ABHD2: variants seen among roughly 807,000 people sequenced by gnomAD.
ABHD2 encodes abhydrolase domain containing 2, acylglycerol lipase.
In ABHD2, 20 loss-of-function variants were observed where a neutral mutation model predicts 48.1. That is an observed-to-expected ratio of 0.42 (90% CI 0.29 to 0.60). ABHD2 has a LOEUF of 0.60. Ranked by LOEUF, ABHD2 falls within the 20% of genes least tolerant of loss-of-function variation. The pLI is 0.24. For missense variants in ABHD2, 405 were observed against 550.9 expected, an observed-to-expected ratio of 0.74 and a Z score of 2.65; for synonymous variants, 209 against 214.2, an observed-to-expected ratio of 0.98 and a Z score of 0.21.
At chr15:89,042,196 C>G in the ABHD2 span, among the ~76,000 whole-genome samples, 6 of 152,324 alleles carry the variant, frequency 3.9e-5, no homozygotes, top group African/African-American at 1.4e-4. Context: ...TGCTGAAGAA[C>G]ATGCAGCAGC....
At position 89,177,639 on chromosome 15, in the gene ABHD2, G is replaced by C. The variant is rs1596148926; in HGVS notation, c.722+1644G>C. On this transcript the variant is annotated intron_variant, in intron 6 of 10. Coordinates refer to ENST00000352732, the MANE Select transcript of ABHD2 (RefSeq NM_152924.5). The surrounding 1 kb of genome is among the most constrained non-coding windows in gnomAD (Gnocchi z 5.6). Reference sequence around the variant, plus strand: ...AGGCTAGTCCCCCATCTTCCTACCAGGAATCTTTTCCTTCACTCCTCTGGA... The same window carrying C: ...AGGCTAGTCCCCCATCTTCCTACCACGAATCTTTTCCTTCACTCCTCTGGA... Among the ~76,000 whole-genome samples the C allele has an allele frequency of 6.6e-6, 1 of 152,186 alleles. No individual in the cohort carries two copies. The highest frequency in any genetic ancestry group is 1.9e-4 in the East Asian group (1 of 5,172).
chr15:89,127,934 G>T (rs1265242300), intron 3 of ABHD2, among the ~76,000 whole-genome samples: 3 of 151,760 alleles, frequency 2.0e-5, no homozygotes, highest in Admixed American at 6.6e-5. Context: ...ACTTTTACCT[G>T]TCTCTGTCTC....
Position 89,135,563 on chromosome 15 carries a change from C to T in ABHD2, c.195-16114C>T, listed in dbSNP as rs2050294867. On this transcript the variant is annotated intron_variant, in intron 3 of 10. Transcript: ENST00000352732. ...CCAACTTATTCATCATCATCTTCAT[C>T]TTCCTCCTCCTCATTCTTATCCTCT... 9 of 1,461,268 alleles carry T rather than the reference C, an allele frequency of 6.2e-6. No homozygotes were observed. In the East Asian group the frequency reaches 1.6e-4, roughly 27 times the overall value. The allele number at this position is 1,461,268 out of a possible 1,614,324, so 90.5% of individuals were successfully genotyped here.
At chr15:89,160,789 AC>A (rs1264437848) in intron 5 of ABHD2, among the ~76,000 whole-genome samples, 1 of 152,148 alleles carries the variant, frequency 6.6e-6, no homozygotes, top group Non-Finnish European at 1.5e-5. Context: ...CTCAGAAATG[AC>A]AGAGGTCACT....
rs1308432341 is a variant in ABHD2, at chr15:89,166,296, G to A, written c.539-9516G>A. Among the ~76,000 whole-genome samples the A allele has an allele frequency of 6.6e-6, 1 of 152,062 alleles. No individual in the cohort carries two copies. Among genetic ancestry groups the A allele is most frequent in the Non-Finnish European group, 1.5e-5 (1 of 68,024 alleles). ...GGCATTTGGCATTGAAAATGGCCTC[G>A]AATATTTAAATTGCTTTTTTCCTGT... is the stretch of plus-strand genomic sequence containing the variant. On this transcript the variant is annotated intron_variant, in intron 5 of 10. Coordinates refer to ENST00000352732, the MANE Select transcript of ABHD2 (RefSeq NM_152924.5). This position sits in a 1 kb window ranked among gnomAD's most constrained non-coding sequence, Gnocchi z 4.6.
chr15:89,147,218 A>C (rs2050506960), intron 3 of ABHD2, among the ~76,000 whole-genome samples: 1 of 152,214 alleles, frequency 6.6e-6, no homozygotes, highest in African/African-American at 2.4e-5. Flanking sequence ...TGTCAGAAAA[A>C]AATGAATTAT....
At chr15:89,085,134 G>A (rs916942312), upstream of ABHD2, among the ~76,000 whole-genome samples, 14 of 152,266 alleles carry the variant, frequency 9.2e-5, no homozygotes, top group East Asian at 2.7e-3. The surrounding 1 kb of genome is among the most constrained non-coding windows in gnomAD (Gnocchi z 4.2). Flanking sequence ...AAATCCTGCA[G>A]AGGCCCCAGT....
At chr15:89,180,668 C>A (rs535373723) in intron 6 of ABHD2, among the ~76,000 whole-genome samples, 1 of 152,152 alleles carries the variant, frequency 6.6e-6, no homozygotes, top group Admixed American at 6.5e-5. Flanking sequence ...CCCAGAGGCC[C>A]GGCTGTGCAA....
the ABHD2 span, among the ~76,000 whole-genome samples, chr15:89,075,088 T>A: frequency 3.3e-5 from 5 of 152,144 alleles, no homozygotes; most frequent in African/African-American, 1.2e-4. The surrounding 1 kb of genome is among the most constrained non-coding windows in gnomAD (Gnocchi z 4.1). Flanking sequence ...TCAATTCAAT[T>A]GAACAAGCGT....
At chr15:89,170,572 T>G (rs1200087683) in intron 5 of ABHD2, among the ~76,000 whole-genome samples, 1 of 152,202 alleles carries the variant, frequency 6.6e-6, no homozygotes, top group Non-Finnish European at 1.5e-5. Flanking sequence ...GCAGAATTAC[T>G]AGACCAAAGG....
In ABHD2 at chr15:89,175,465, C is replaced by A. The variant is rs978963784; in HGVS notation, c.539-347C>A. Among the ~76,000 whole-genome samples, 1 of 152,196 alleles carries A rather than the reference C, an allele frequency of 6.6e-6. No individual in the cohort carries two copies. Among genetic ancestry groups the A allele is most frequent in the South Asian group, 2.1e-4 (1 of 4,834 alleles). ...GTGTGTGAGCATATGTGCTCATGCA[C>A]ACCCTGAAATCTGCTTTGATATCCA... On this transcript the variant is annotated intron_variant, in intron 5 of 10. Coordinates refer to ENST00000352732, the MANE Select transcript of ABHD2 (RefSeq NM_152924.5). This position sits in a 1 kb window ranked among gnomAD's most constrained non-coding sequence, Gnocchi z 5.7.
intron 3 of ABHD2, among the ~76,000 whole-genome samples, chr15:89,128,815 A>C (rs1049652083): frequency 6.6e-6 from 1 of 152,084 alleles, no homozygotes; most frequent in African/African-American, 2.4e-5. Context: ...AGATCAGATC[A>C]CGAGGAGTCT....
chr15:89,135,212 A>G (rs1465767247), intron 3 of ABHD2, among the ~76,000 whole-genome samples: 1 of 144,830 alleles, frequency 6.9e-6, no homozygotes, highest in Non-Finnish European at 1.5e-5. Context: ...TATAAGCTGC[A>G]TCAGAGACAA....
chr15:89,106,909 C>A lies in ABHD2; in HGVS notation c.-106-6816C>A, dbSNP rs1347421292. Reference sequence around the variant, plus strand: ...GGTTGTACTTTTATCTAAGCTGCCACCAAAGAGGCTGAAAAATCAGAATGA... The same window carrying A: ...GGTTGTACTTTTATCTAAGCTGCCAACAAAGAGGCTGAAAAATCAGAATGA... On this transcript the variant is annotated intron_variant, in intron 1 of 10. Coordinates refer to ENST00000352732, the MANE Select transcript of ABHD2 (RefSeq NM_152924.5). This position sits in a 1 kb window ranked among gnomAD's most constrained non-coding sequence, Gnocchi z 4.2. Among the ~76,000 whole-genome samples the A allele has an allele frequency of 6.6e-6, 1 of 152,108 alleles. No individual in the cohort carries two copies. Among genetic ancestry groups the A allele is most frequent in the Non-Finnish European group, 1.5e-5 (1 of 68,022 alleles).
intron 3 of ABHD2, among the ~76,000 whole-genome samples, chr15:89,132,826 G>A (rs2050241389): frequency 1.3e-5 from 2 of 152,188 alleles, no homozygotes; most frequent in African/African-American, 4.8e-5. Flanking sequence ...CTCACTTTGT[G>A]GACAAGATGA....
intron 1 of ABHD2, among the ~76,000 whole-genome samples, chr15:89,108,965 A>T (rs1375417359): frequency 6.6e-6 from 1 of 152,204 alleles, no homozygotes; most frequent in Admixed American, 6.5e-5. Context: ...TCTACTTCTA[A>T]TCTAACCTTC....
chr15:89,047,886 A>C, the ABHD2 span, among the ~76,000 whole-genome samples: 3 of 145,912 alleles, frequency 2.1e-5, no homozygotes, highest in South Asian at 6.4e-4. Context: ...TGGAGCATTT[A>C]GTCCATTTAC....
rs116837664 is a variant in ABHD2 at position 89,190,860 on chromosome 15, A to T, written c.927-220A>T. Among the ~76,000 whole-genome samples, 1,082 of 152,222 alleles carry T rather than the reference A, an allele frequency of 7.1e-3. 14 individuals are homozygous for T. Among genetic ancestry groups the T allele is most frequent in the African/African-American group, 0.025 (1,034 of 41,522 alleles). On this transcript the variant is annotated intron_variant, in intron 8 of 10. Coordinates refer to ENST00000352732, the MANE Select transcript of ABHD2 (RefSeq NM_152924.5). The stretch of plus-strand genomic sequence containing the variant: ...CCAAAGCCAGTGCTCTTAACCCTGA[A>T]CCTTGCTACCTGCATACATTTCATT...
At chr15:89,135,061 GTTCT>G (rs756343951) in intron 3 of ABHD2, among the ~76,000 whole-genome samples, 28 of 147,880 alleles carry the variant, frequency 1.9e-4, no homozygotes, top group East Asian at 7.9e-4. Flanking sequence ...TGATTGGTGT[GTTCT>G]TTCTTTATTT....
Sources: allele counts gnomAD v4.1 joint callset (sites outside exome capture counted in the v4.1 genomes callset), GRCh38; gene constraint gnomAD v4.1.1; non-coding constraint Gnocchi (gnomAD v3.1); transcripts MANE v1.5; gene names NCBI Gene and HGNC (gene_info 2026-07-23, HGNC 2026-07-21).